The following C20orf203 variants were observed in gnomAD, a reference collection of about 807,000 sequenced individuals.
C20orf203 encodes the protein chromosome 20 open reading frame 203, also known as uncharacterized protein C20orf203.
Under a neutral mutation model 15.9 loss-of-function variants are expected in C20orf203, and 16 were observed. The ratio of observed to expected loss-of-function variants is 1.01; its 90% CI spans 0.68 to 1.53. The LOEUF (loss-of-function observed/expected upper bound fraction) is 1.53, where lower values mean the gene tolerates loss of function less well. Among genes scored for constraint, C20orf203 ranks in the 40% most tolerant of loss-of-function variants. The pLI is 0.00. For missense variants in C20orf203, 263 were observed against 247.5 expected, an observed-to-expected ratio of 1.06 and a Z score of -0.42; for synonymous variants, 98 against 97.2, an observed-to-expected ratio of 1.01 and a Z score of -0.05.
At chr20:32,664,293 G>T (rs1346563726) in intron 1 of C20orf203, among the ~76,000 whole-genome samples, 1 of 152,236 alleles carries the variant, frequency 6.6e-6, no homozygotes, top group Non-Finnish European at 1.5e-5. Context: ...TCCTGCCGGG[G>T]TCTCCTCATA....
chr20:32,655,080 CA>C (rs938773108), intron 1 of C20orf203, among the ~76,000 whole-genome samples: 6 of 152,036 alleles, frequency 3.9e-5, no homozygotes, highest in African/African-American at 1.4e-4. Context: ...CAGAGTCTTG[CA>C]AAAGAAAGAG....
At chr20:32,658,744 G>A (rs1177000882) in intron 1 of C20orf203, among the ~76,000 whole-genome samples, 1 of 152,072 alleles carries the variant, frequency 6.6e-6, no homozygotes, top group Non-Finnish European at 1.5e-5. Flanking sequence ...ACAAAGGGTA[G>A]GTGGGGAATG....
At chr20:32,640,863 A>T (rs1206552657) in intron 4 of C20orf203, among the ~76,000 whole-genome samples, 176 bp from the exon 5 acceptor site, 2 of 152,140 alleles carry the variant, frequency 1.3e-5, no homozygotes, top group Admixed American at 1.3e-4. Flanking sequence ...CCTCTTCTGG[A>T]CATTTCATAC....
intron 1 of C20orf203, among the ~76,000 whole-genome samples, chr20:32,655,648 C>A (rs1982737119): frequency 2.0e-5 from 3 of 152,028 alleles, no homozygotes; most frequent in Non-Finnish European, 4.4e-5. Flanking sequence ...TAAAAATTAG[C>A]CCGGCGTGGT....
At position 32,661,052 on chromosome 20, in the gene C20orf203, C is replaced by T. The variant is rs564527320; in HGVS notation, c.-263-9071G>A. Among the ~76,000 whole-genome samples the T allele has an allele frequency of 3.3e-5, 5 of 152,220 alleles. No individual in the cohort carries two copies. In the South Asian group the frequency reaches 1.0e-3, roughly 32 times the overall value. ...TATTTGTGTGGGGACACAGCCAAAC[C>T]ATATCAAGGAGGGAAAGAGGAAGGG... is the stretch of plus-strand genomic sequence containing the variant. On this transcript the variant is annotated intron_variant, in intron 1 of 5. Coordinates refer to ENST00000608990, the MANE Select transcript of C20orf203 (RefSeq NM_182584.4).
At chr20:32,662,102 A>G (rs1982904023) in intron 1 of C20orf203, among the ~76,000 whole-genome samples, 1 of 152,236 alleles carries the variant, frequency 6.6e-6, no homozygotes, top group Non-Finnish European at 1.5e-5. Flanking sequence ...CCAGCCTGGT[A>G]CAGGCGACGC....
chr20:32,637,918 GTGTT>G (rs549337815), intron 5 of C20orf203, among the ~76,000 whole-genome samples: 91 of 152,166 alleles, frequency 6.0e-4, no homozygotes, highest in African/African-American at 2.1e-3. Context: ...GTGTGTGCCT[GTGTT>G]TGTGTGTGTG....
chr20:32,645,832 C>G (rs1032708983), intron 4 of C20orf203, among the ~76,000 whole-genome samples: 7 of 152,246 alleles, frequency 4.6e-5, no homozygotes, highest in Admixed American at 3.3e-4. Flanking sequence ...GGGTCTGACT[C>G]ACTCCAGAGT....
At chr20:32,671,565 A>G (rs6057617) in intron 1 of C20orf203, among the ~76,000 whole-genome samples, 104,094 of 152,024 alleles carry the variant, frequency 0.68, 36,618 homozygotes, top group Middle Eastern at 0.84. Flanking sequence ...AGAATGGGCC[A>G]GGCACAGTGG....
Position 32,633,963 on chromosome 20 carries a change from G to T in C20orf203, c.*1607C>A. ...CCTGAGCTTCAGCTTCCCCACTCCG[G>T]ACTGTTTCATGCGTTCATTCATGTG... On this transcript the variant is annotated 3_prime_UTR_variant, in exon 6 of 6. Transcript: ENST00000608990. 1 of 398,568 alleles carries T rather than the reference G, an allele frequency of 2.5e-6. No individual in the cohort carries two copies. The allele number at this position is 398,568 out of a possible 1,614,324, so 24.7% of individuals were successfully genotyped here.
chr20:32,666,155 T>TAAAAAAAAAAAAAAAAAA (rs147487671), intron 1 of C20orf203, among the ~76,000 whole-genome samples: 2 of 102,776 alleles, frequency 1.9e-5, no homozygotes, highest in African/African-American at 3.7e-5. Flanking sequence ...ATAAATAAAG[T>TAAAAAAAAAAAAAAAAAA]AAAAAAAAAA....
chr20:32,633,979 C>A lies in C20orf203; in HGVS notation c.*1591G>T. ...CCCACTCCGGACTGTTTCATGCGTT[C>A]ATTCATGTGTCCAACTCTTCACTCC... is the stretch of plus-strand genomic sequence containing the variant. On this transcript the variant is annotated 3_prime_UTR_variant, in exon 6 of 6. Coordinates refer to ENST00000608990, the MANE Select transcript of C20orf203 (RefSeq NM_182584.4). 1 of 398,608 alleles carries A rather than the reference C, an allele frequency of 2.5e-6. No individual in the cohort carries two copies. Among genetic ancestry groups the A allele is most frequent in the Non-Finnish European group, 4.4e-6 (1 of 226,082 alleles). The allele number at this position is 398,608 out of a possible 1,614,324, so 24.7% of individuals were successfully genotyped here. A position where few individuals can be genotyped will look rare whatever the true frequency, so the allele number is the denominator to read the frequency against.
chr20:32,670,367 G>A (rs1393057386), intron 1 of C20orf203, among the ~76,000 whole-genome samples: 1 of 151,636 alleles, frequency 6.6e-6, no homozygotes, highest in Admixed American at 6.6e-5. Context: ...TTAGCCAGGT[G>A]TGGTGGCAGG....
chr20:32,661,934 A>C (rs1982899949), intron 1 of C20orf203, among the ~76,000 whole-genome samples: 1 of 152,190 alleles, frequency 6.6e-6, no homozygotes. Flanking sequence ...GGGGAGGCCC[A>C]TGTCAGCGTA....
chr20:32,650,729 C>G lies in C20orf203; in HGVS notation c.288G>C (p.Arg96Ser). The G allele has an allele frequency of 6.5e-7, 1 of 1,544,316 alleles. No homozygotes were observed. ...CCCACCCCTCCCCACCAACCCAAAT[C>G]CTTTCCTGATAAGGGCCTGGGTGTT... ...PPQHPGPYQE[R>S]IWVGGEGWGE... The change falls in exon 4 of 6, where the codon AGG becomes AGC. Residue 96 changes from arginine (R) to serine (S), a missense_variant. Transcript: ENST00000608990.
At chr20:32,656,722 G>C (rs942494991) in intron 1 of C20orf203, 3 of 152,034 alleles carry the variant, frequency 2.0e-5, no homozygotes, top group African/African-American at 7.3e-5. Flanking sequence ...AAAATAGCCA[G>C]GTGTGGTGGC....
At chr20:32,656,277 A>T (rs1013090088) in intron 1 of C20orf203, among the ~76,000 whole-genome samples, 3 of 152,244 alleles carry the variant, frequency 2.0e-5, no homozygotes, top group Non-Finnish European at 4.4e-5. Context: ...AATGGCCAAT[A>T]AGCACATGAA....
rs896336601 is a variant in C20orf203 at position 32,633,904 on chromosome 20, C to T, written c.*1666G>A. On this transcript the variant is annotated 3_prime_UTR_variant, in exon 6 of 6. Coordinates refer to ENST00000608990, the MANE Select transcript of C20orf203 (RefSeq NM_182584.4). ...CCTGCTCTGAACCTTCCACCCCGTC[C>T]GCCTGGACTGGATGCTTCTCCCGGA... is the stretch of plus-strand genomic sequence containing the variant. 7.0e-5 allele frequency: 28 copies of T among 397,612 alleles called. No homozygotes were observed. The highest frequency in any genetic ancestry group is 1.3e-3 in the Middle Eastern group (2 of 1,586). The allele number at this position is 397,612 out of a possible 1,614,324, so 24.6% of individuals were successfully genotyped here.
chr20:32,637,568 T>C (rs1216027637), intron 5 of C20orf203, among the ~76,000 whole-genome samples: 3 of 152,154 alleles, frequency 2.0e-5, no homozygotes, highest in Non-Finnish European at 4.4e-5. Flanking sequence ...CCACCCCCAC[T>C]TTACAGGCTT....
Sources: gnomAD v4.1 joint callset for allele counts (sites outside exome capture counted in the v4.1 genomes callset) on GRCh38, gnomAD v4.1.1 for gene constraint, MANE v1.5 for transcripts, NCBI Gene and HGNC (gene_info 2026-07-23, HGNC 2026-07-21) for gene names.